Variants in SLC39A11 observed in about 807,000 individuals in gnomAD.
The protein encoded by SLC39A11 is solute carrier family 39 member 11.
A neutral mutation model predicts 36.1 loss-of-function variants in SLC39A11; 33 were observed. The observed-to-expected ratio is 0.91, with a 90% CI of 0.69 to 1.22. The LOEUF (loss-of-function observed/expected upper bound fraction) is 1.22, where lower values mean the gene tolerates loss of function less well. SLC39A11 is among the 50% of genes most tolerant of loss of function. The pLI, the probability that SLC39A11 is intolerant of heterozygous loss-of-function variation, is 0.00. For synonymous variants in SLC39A11, 166 were observed against 170.3 expected, an observed-to-expected ratio of 0.97 and a Z score of 0.20; for missense variants, 432 against 430.3, an observed-to-expected ratio of 1.00 and a Z score of -0.03.
intron 7 of SLC39A11, among the ~76,000 whole-genome samples, chr17:72,681,577 G>A (rs776637983): frequency 6.6e-6 from 1 of 152,250 alleles, no homozygotes; most frequent in South Asian, 2.1e-4. Context: ...AGCCACAAGC[G>A]AGAAATAACC....
chr17:72,687,904 C>T (rs55914918), intron 7 of SLC39A11, among the ~76,000 whole-genome samples: 40,413 of 152,090 alleles, frequency 0.27, 5,462 homozygotes, highest in Middle Eastern at 0.31. Flanking sequence ...GTGACATCTC[C>T]AAGGCCACAC....
rs564835280 is a variant in SLC39A11 at position 72,812,209 on chromosome 17, A to G, written c.601+37425T>C. 1.6e-3 allele frequency among the ~76,000 whole-genome samples: 242 copies of G among 152,336 alleles called. 2 individuals carry two copies. The highest frequency in any genetic ancestry group is 2.4e-3 in the Non-Finnish European group (165 of 68,028). ...TGCTCCCCAAGGTCATGTTAGTGTA[A>G]CCAGAGATCCTTTCGGAGGGAAGAC... On this transcript the variant is annotated intron_variant, in intron 6 of 9. Coordinates refer to ENST00000255559, the MANE Select transcript of SLC39A11 (RefSeq NM_139177.4).
At chr17:72,770,942 T>C (rs1308428091) in intron 6 of SLC39A11, among the ~76,000 whole-genome samples, 2 of 151,946 alleles carry the variant, frequency 1.3e-5, no homozygotes, top group Non-Finnish European at 2.9e-5. Flanking sequence ...TGCACACGAG[T>C]AAACCGTAGG....
chr17:73,017,895 C>T (rs1427078340), intron 4 of SLC39A11, among the ~76,000 whole-genome samples: 3 of 152,146 alleles, frequency 2.0e-5, no homozygotes, highest in Non-Finnish European at 2.9e-5. Context: ...AAGTAAAATG[C>T]TATGAGGCCT....
At chr17:72,651,409 T>C (rs1314100894) in intron 7 of SLC39A11, among the ~76,000 whole-genome samples, 1 of 151,960 alleles carries the variant, frequency 6.6e-6, no homozygotes, top group Non-Finnish European at 1.5e-5. Flanking sequence ...CACTACTGAA[T>C]GCATCAGGAG....
chr17:72,939,330 G>A (rs776830272), intron 5 of SLC39A11, among the ~76,000 whole-genome samples: 25 of 152,104 alleles, frequency 1.6e-4, no homozygotes, highest in Non-Finnish European at 2.5e-4. Flanking sequence ...GGGTAGTGGC[G>A]TACACCTGTT....
chr17:72,916,230 A>G (rs969515723), intron 5 of SLC39A11, among the ~76,000 whole-genome samples: 1 of 152,206 alleles, frequency 6.6e-6, no homozygotes, highest in Non-Finnish European at 1.5e-5. Flanking sequence ...GCACACACAT[A>G]TATCTGTACA....
chr17:72,733,502 C>G (rs577526655), intron 7 of SLC39A11, among the ~76,000 whole-genome samples: 380 of 152,234 alleles, frequency 2.5e-3, no homozygotes, highest in Non-Finnish European at 4.1e-3. Flanking sequence ...AGCTAAGCAT[C>G]TGCAGCCTCC....
intron 1 of SLC39A11, among the ~76,000 whole-genome samples, chr17:73,090,879 A>G (rs951149224): frequency 6.6e-6 from 1 of 152,190 alleles, no homozygotes; most frequent in Non-Finnish European, 1.5e-5. Context: ...CATCCTTTCC[A>G]TCCCAACAGG....
In SLC39A11 at chr17:72,911,526, C is replaced by T. The variant is rs138647318; in HGVS notation, c.430+36226G>A. On this transcript the variant is annotated intron_variant, in intron 5 of 9. Transcript: ENST00000255559. Reference sequence around the variant, plus strand: ...GGGTCCTGTCTGGAGTGCCCTTACCCTCCCGACCTCCCTTTTCCTGTCAGC... The same window carrying T: ...GGGTCCTGTCTGGAGTGCCCTTACCTTCCCGACCTCCCTTTTCCTGTCAGC... 1.8e-4 allele frequency among the ~76,000 whole-genome samples: 27 copies of T among 152,262 alleles called. No homozygotes were observed. The East Asian group carries it at 4.4e-3, about 25-fold the overall frequency.
rs183989117 is a variant in SLC39A11 at position 72,799,396 on chromosome 17, G to C, written c.601+50238C>G. 3.7e-3 allele frequency among the ~76,000 whole-genome samples: 556 copies of C among 152,208 alleles called. 5 individuals carry two copies. The highest frequency in any genetic ancestry group is 0.013 in the African/African-American group (532 of 41,516). ...AAGAACAGAATAACAGCGATTTTTAGGGAACAAGGGAAGACAACCATAAGG... is the reference window on the plus strand; with the variant it reads ...AAGAACAGAATAACAGCGATTTTTACGGAACAAGGGAAGACAACCATAAGG... On this transcript the variant is annotated intron_variant, in intron 6 of 9. Coordinates refer to ENST00000255559, the MANE Select transcript of SLC39A11 (RefSeq NM_139177.4).
At chr17:72,879,699 T>C (rs2081096551) in intron 5 of SLC39A11, among the ~76,000 whole-genome samples, 1 of 152,168 alleles carries the variant, frequency 6.6e-6, no homozygotes, top group Non-Finnish European at 1.5e-5. Context: ...TTCAACCCAC[T>C]TCCCTGCAGC....
rs188692515 is a variant in SLC39A11, at chr17:73,020,543, G to A, written c.306+11013C>T. Among the ~76,000 whole-genome samples, 363 of 152,214 alleles carry A rather than the reference G, an allele frequency of 2.4e-3. 5 individuals carry two copies. Among genetic ancestry groups the A allele is most frequent in the Non-Finnish European group, 2.1e-3 (141 of 68,012 alleles). On this transcript the variant is annotated intron_variant, in intron 4 of 9. Transcript: ENST00000255559. ...TGATGTCTGCCTTGACTTTTACATG[G>A]AGCAGTATTTCTAAAGGAAACCAAG...
chr17:72,659,711 T>G lies in SLC39A11; in HGVS notation c.672-10443A>C, dbSNP rs1304256157. Among the ~76,000 whole-genome samples the G allele has an allele frequency of 2.5e-4, 37 of 149,366 alleles. No individual in the cohort carries two copies. In the Admixed American group the frequency reaches 2.5e-3, roughly 10 times the overall value. ...AATTCTCCTGCCTCAGCCTCCCAAA[T>G]AGCTGGGATTACAGGCACCTACCAC... is the stretch of plus-strand genomic sequence containing the variant. On this transcript the variant is annotated intron_variant, in intron 7 of 9. Transcript: ENST00000255559.
chr17:73,092,278 G>T (rs1242745015), intron 1 of SLC39A11: 1 of 152,170 alleles, frequency 6.6e-6, no homozygotes, highest in Non-Finnish European at 1.5e-5. Context: ...CAGGAATCCC[G>T]GGTACCCCCA....
rs201601932 is a variant in SLC39A11, at chr17:72,987,969, G to A, written c.307-40094C>T. 4.6e-5 allele frequency among the ~76,000 whole-genome samples: 7 copies of A among 152,304 alleles called. No homozygotes were observed. The East Asian group carries it at 1.3e-3, about 29-fold the overall frequency. On this transcript the variant is annotated intron_variant, in intron 4 of 9. Coordinates refer to ENST00000255559, the MANE Select transcript of SLC39A11 (RefSeq NM_139177.4). ...GAGCATCTATAAACCAGAAAAGAGAGCCACGTAAAAGTCAGCTCTCTTTTT... is the reference window on the plus strand; with the variant it reads ...GAGCATCTATAAACCAGAAAAGAGAACCACGTAAAAGTCAGCTCTCTTTTT...
intron 5 of SLC39A11, among the ~76,000 whole-genome samples, chr17:72,899,800 A>T (rs918040005): frequency 2.0e-5 from 3 of 152,080 alleles, no homozygotes; most frequent in African/African-American, 7.2e-5. Context: ...CGTCTCTACT[A>T]AAAATACAAA....
At chr17:72,652,687 CA>C (rs1165578388) in intron 7 of SLC39A11, among the ~76,000 whole-genome samples, 1 of 152,164 alleles carries the variant, frequency 6.6e-6, no homozygotes, top group African/African-American at 2.4e-5. Context: ...CATTCCTCTG[CA>C]AAGCTCTGTT....
chr17:72,653,864 G>A (rs2069983065), intron 7 of SLC39A11, among the ~76,000 whole-genome samples: 1 of 152,126 alleles, frequency 6.6e-6, no homozygotes, highest in South Asian at 2.1e-4. Context: ...TAGGAGGTGA[G>A]GCCCTGGGCA....
Sources: gnomAD v4.1 joint callset for allele counts (sites outside exome capture counted in the v4.1 genomes callset) on GRCh38, gnomAD v4.1.1 for gene constraint, MANE v1.5 for transcripts, NCBI Gene and HGNC (gene_info 2026-07-23, HGNC 2026-07-21) for gene names.